ACADVL: variants seen among roughly 807,000 people sequenced by gnomAD.
ACADVL encodes acyl-CoA dehydrogenase very long chain, also known as very long-chain acyl-CoA dehydrogenase, mitochondrial.
A neutral mutation model predicts 80.4 loss-of-function variants in ACADVL; 73 were observed. The observed-to-expected ratio is 0.91, with a 90% confidence interval of 0.75 to 1.10. ACADVL has a LOEUF of 1.10. Ranked by LOEUF, ACADVL falls within the 50% of genes least tolerant of loss-of-function variation. The probability of loss-of-function intolerance (pLI) is 0.00; values close to 1 mark genes in which losing one functional copy is unlikely to be tolerated. For missense variants in ACADVL, 878 were observed against 858.9 expected (o/e 1.02, Z -0.28); for synonymous variants, 392 against 326.5 (o/e 1.20, Z -2.16).
chr17:7,220,204 C>G lies in ACADVL; in HGVS notation c.138+7C>G. ...TGCCGGGGGTGCCGCTCAGGTAAGT[C>G]ACCGCAGCCTTGGCAAGGGGGTGTG... is the stretch of plus-strand genomic sequence containing the variant. On this transcript the variant is annotated splice_region_variant and intron_variant, in intron 2 of 19. Coordinates refer to ENST00000356839, the MANE Select transcript of ACADVL (RefSeq NM_000018.4). 2 of 1,531,520 alleles carry G rather than the reference C, an allele frequency of 1.3e-6. No individual in the cohort carries two copies. The highest frequency in any genetic ancestry group is 3.9e-5 in the Admixed American group (2 of 50,724). The allele number at this position is 1,531,520 out of a possible 1,614,324, so 94.9% of individuals were successfully genotyped here.
chr17:7,218,103 C>G, upstream of ACADVL: 1 of 764,594 alleles, frequency 1.3e-6, no homozygotes, highest in African/African-American at 1.8e-5. Context: ...ATTCTCGGTG[C>G]CCCAAGTCCC....
chr17:7,218,819 CCT>C (rs748206095), upstream of ACADVL: 6 of 1,613,668 alleles, frequency 3.7e-6, no homozygotes, highest in African/African-American at 6.7e-5. Flanking sequence ...CACAAGGAGC[CCT>C]GTTTTTCACC....
Position 7,223,694 on chromosome 17 carries a change from C to A in ACADVL, c.1233C>A (p.Phe411Leu). The A allele has an allele frequency of 1.9e-6, 3 of 1,614,116 alleles. No homozygotes were observed. The South Asian group carries it at 3.3e-5, about 18-fold the overall frequency. ...SANMDQGATDFQIEAAISKIF... is the reference protein window; with the variant it reads ...SANMDQGATDLQIEAAISKIF... Reference sequence around the variant, plus strand: ...ACATGGACCAGGGAGCCACGGACTTCCAGATAGAGGCCGCCATCAGCAAAA... The same window carrying A: ...ACATGGACCAGGGAGCCACGGACTTACAGATAGAGGCCGCCATCAGCAAAA... The change falls in exon 12 of 20, where the codon TTC becomes TTA. Residue 411 changes from phenylalanine to leucine, a missense_variant. Physicochemically the swap from Phe to Leu is conservative, Grantham distance 22 (BLOSUM62 0). Transcript: ENST00000356839.
chr17:7,219,888 G>A, upstream of ACADVL: 1 of 1,544,222 alleles, frequency 6.5e-7, no homozygotes, highest in Non-Finnish European at 8.7e-7. Context: ...GGTGCACTGT[G>A]GACGATGAGT....
At chr17:7,223,319 T>C (rs747835655) in intron 11 of ACADVL, 82 bp downstream of exon 11, 3 of 1,266,974 alleles carry the variant, frequency 2.4e-6, no homozygotes, top group Non-Finnish European at 3.5e-6. Flanking sequence ...CAGCAGCACC[T>C]GGGGCAGTGG....
chr17:7,220,820 G>T lies in ACADVL; in HGVS notation c.332G>T (p.Arg111Leu). 1 of 1,614,096 alleles carries T rather than the reference G, an allele frequency of 6.2e-7. No homozygotes were observed. The highest frequency in any genetic ancestry group is 8.5e-7 in the Non-Finnish European group (1 of 1,180,032). ...FLKELVEPVS[R>L]FFEEVNDPAK... The stretch of plus-strand genomic sequence containing the variant: ...AAAGAGCTGGTGGAGCCTGTGTCCC[G>T]TTTCTTCGAGGTAAGGAATGACTCG... The change falls in exon 5 of 20, where the codon CGT becomes CTT. Residue 111 changes from arginine (R) to leucine (L), a missense_variant. Physicochemically the swap from Arg to Leu is moderately radical, Grantham distance 102. Coordinates refer to ENST00000356839, the MANE Select transcript of ACADVL (RefSeq NM_000018.4).
chr17:7,220,080 G>A (rs1264672258), intron 1 of ACADVL, 34 bp downstream of exon 1: 1 of 1,597,328 alleles, frequency 6.3e-7, no homozygotes, highest in Non-Finnish European at 8.5e-7. Context: ...GTGGGCAGCG[G>A]CCCTGGGCAC....
At position 7,225,062 on chromosome 17, in the gene ACADVL, G is replaced by T; in HGVS notation, c.1933G>T (p.Gly645Cys). ...KSISKALVER[G>C]GVVTSNPLGF ...CATCTCCAAGGCCTTGGTGGAGCGG[G>T]GTGGTGTGGTCACCAGCAACCCACT... Residue 645 changes from glycine (G) to cysteine (C), a missense_variant, in exon 20 of 20, where the codon GGT (glycine) becomes TGT (cysteine). Coordinates refer to ENST00000356839, the MANE Select transcript of ACADVL (RefSeq NM_000018.4). 6.2e-7 allele frequency: 1 copy of T among 1,614,112 alleles called. No individual in the cohort carries two copies. Among genetic ancestry groups the T allele is most frequent in the Non-Finnish European group, 8.5e-7 (1 of 1,180,026 alleles).
upstream of ACADVL, chr17:7,219,832 A>C: frequency 2.0e-6 from 3 of 1,534,578 alleles, no homozygotes; most frequent in Non-Finnish European, 2.6e-6. Context: ...GCTCCAGGGA[A>C]CTACAGCTCC....
intron 9 of ACADVL, 164 bp from the exon 10 acceptor site, chr17:7,222,503 C>A: frequency 8.8e-7 from 1 of 1,138,416 alleles, no homozygotes; most frequent in Non-Finnish European, 1.3e-6. Context: ...AGGACATAGC[C>A]AGGCCTCCTT....
upstream of ACADVL, chr17:7,218,610 G>A: frequency 6.4e-7 from 1 of 1,565,722 alleles, no homozygotes; most frequent in Non-Finnish European, 8.7e-7. Context: ...AGCAGTGGGG[G>A]TGCCAGGAGC....
intron 9 of ACADVL, 138 bp from the exon 10 acceptor site, chr17:7,222,529 A>C: frequency 8.5e-7 from 1 of 1,174,286 alleles, no homozygotes; most frequent in Non-Finnish European, 1.2e-6. Flanking sequence ...TCAGGGCCTG[A>C]GGGGAAGTGG....
At position 7,220,793 on chromosome 17, in the gene ACADVL, T is replaced by C; in HGVS notation, c.305T>C (p.Leu102Pro). The C allele has an allele frequency of 6.2e-7, 1 of 1,614,116 alleles. No individual in the cohort carries two copies. The highest frequency in any genetic ancestry group is 2.2e-5 in the East Asian group (1 of 44,888). The change falls in exon 5 of 20, where the codon CTT becomes CCT. Residue 102 changes from leucine to proline, a missense_variant. Transcript: ENST00000356839. ...CTCAACGAAGAGCAGACACAGTTTC[T>C]TAAAGAGCTGGTGGAGCCTGTGTCC... ...SVLNEEQTQF[L>P]KELVEPVSRF...
upstream of ACADVL, chr17:7,217,700 CCTT>C: frequency 6.5e-7 from 1 of 1,532,650 alleles, no homozygotes; most frequent in Non-Finnish European, 8.7e-7. Flanking sequence ...AGAGTTAACT[CCTT>C]CTGTGCTGGC....
upstream of ACADVL, chr17:7,217,270 T>A: frequency 1.1e-6 from 1 of 951,786 alleles, no homozygotes; most frequent in Non-Finnish European, 1.2e-6. Context: ...GGGGCCAGGA[T>A]GGGGGGAGGG....
intron 6 of ACADVL, 34 bp downstream of exon 6, chr17:7,221,092 C>T (rs1408070948): frequency 6.2e-7 from 1 of 1,612,218 alleles, no homozygotes. Flanking sequence ...CCCAGTATGC[C>T]ATACCCCAGC....
rs765356942 is a variant in ACADVL at position 7,223,730 on chromosome 17, G to A, written c.1269G>A (p.Ser423=). 12 of 1,613,998 alleles carry A rather than the reference G, an allele frequency of 7.4e-6. No homozygotes were observed. Among genetic ancestry groups the A allele is most frequent in the African/African-American group, 1.3e-5 (1 of 74,894 alleles). ...CCGCCATCAGCAAAATCTTTGGCTCGGTGAGGTCCCAGGCATGCTGGGAGG... is the reference window on the plus strand; with the variant it reads ...CCGCCATCAGCAAAATCTTTGGCTCAGTGAGGTCCCAGGCATGCTGGGAGG... ...IEAAISKIFG[S]EAAWKVTDEC... Residue 423 remains serine (S), a splice_region_variant and synonymous_variant, in exon 12 of 20, where the codon TCG becomes TCA. Transcript: ENST00000356839.
rs138058572 is a variant in ACADVL at position 7,223,993 on chromosome 17, G to A, written c.1358G>A (p.Arg453Gln). 1.1e-5 allele frequency: 18 copies of A among 1,614,004 alleles called. No individual in the cohort carries two copies. Among genetic ancestry groups the A allele is most frequent in the African/African-American group, 8.0e-5 (6 of 74,934 alleles). ...GAACCTGGAGTAGAGCGTGTGCTCC[G>A]AGATCTTCGCATCTTCCGGATCTTT... ...MKEPGVERVLRDLRIFRIFEG... is the reference protein window; with the variant it reads ...MKEPGVERVLQDLRIFRIFEG... Residue 453 changes from arginine to glutamine, a missense_variant, in exon 14 of 20, where the codon CGA becomes CAA. Physicochemically the swap from Arg to Gln is conservative, Grantham distance 43. Transcript: ENST00000356839.
At position 7,222,836 on chromosome 17, in the gene ACADVL, G is replaced by A. The variant is rs767138639; in HGVS notation, c.1048G>A (p.Gly350Ser). ...GRFGMAAALA[G>S]TMRGIIAKAV... Reference sequence around the variant, plus strand: ...GTTTGGCATGGCTGCGGCCCTGGCAGGTACCATGAGAGGCATCATTGCTAA... The same window carrying A: ...GTTTGGCATGGCTGCGGCCCTGGCAAGTACCATGAGAGGCATCATTGCTAA... The change falls in exon 10 of 20, where the codon GGT becomes AGT. Residue 350 changes from glycine (G) to serine (S), a missense_variant. By Grantham distance (56) the Gly-to-Ser change is moderately conservative. Coordinates refer to ENST00000356839, the MANE Select transcript of ACADVL (RefSeq NM_000018.4). 3.1e-6 allele frequency: 5 copies of A among 1,613,004 alleles called. No homozygotes were observed. Among genetic ancestry groups the A allele is most frequent in the Non-Finnish European group, 4.2e-6 (5 of 1,180,002 alleles).
Sources: allele counts gnomAD v4.1 joint callset, GRCh38; gene constraint gnomAD v4.1.1; transcripts MANE v1.5; gene names NCBI Gene and HGNC (gene_info 2026-07-23, HGNC 2026-07-21).